The following SELENOI variants were observed in gnomAD, a reference collection of about 807,000 sequenced individuals.
The protein encoded by SELENOI is ethanolaminephosphotransferase 1.
Under a neutral mutation model 50.7 loss-of-function variants are expected in SELENOI, and 24 were observed. The ratio of observed to expected loss-of-function variants is 0.47; its 90% CI spans 0.34 to 0.67. The LOEUF (loss-of-function observed/expected upper bound fraction) is 0.67. SELENOI is among the 30% of genes least tolerant of loss of function. The pLI is 0.01. For missense variants in SELENOI, 352 were observed against 461.4 expected (o/e 0.76, Z 2.17); for synonymous variants, 155 against 170.2 (o/e 0.91, Z 0.70).
intron 7 of SELENOI, among the ~76,000 whole-genome samples, chr2:26,384,107 CCTT>C (rs750912909): frequency 6.6e-6 from 1 of 152,168 alleles, no homozygotes; most frequent in Non-Finnish European, 1.5e-5. Context: ...TTGCTCTTTC[CCTT>C]CTTAGTAATT....
chr2:26,367,182 T>C lies in SELENOI; in HGVS notation c.272T>C (p.Ile91Thr), dbSNP rs1424302516. 4 of 1,611,206 alleles carry C rather than the reference T, an allele frequency of 2.5e-6. No homozygotes were observed. The highest frequency in any genetic ancestry group is 3.4e-6 in the Non-Finnish European group (4 of 1,178,722). The change falls in exon 4 of 10, where the codon ATT becomes ACT. Residue 91 changes from isoleucine to threonine, a missense_variant. Transcript: ENST00000260585. Reference protein sequence around the residue: ...GHKHVPDWVWIVVGILNFVAY... With the variant: ...GHKHVPDWVWTVVGILNFVAY... ...AAGCACGTGCCTGACTGGGTTTGGA[T>C]TGTAGTGGGCATCCTCAACTTCGTA...
Position 26,353,287 on chromosome 2 carries a change from T to C in SELENOI, c.57+6998T>C, listed in dbSNP as rs955415266. ...TGGGACCACATGAAAGTGTGGCTTA[T>C]GGACTTGGAATTAAAACAAAGAAAA... On this transcript the variant is annotated intron_variant, in intron 1 of 9. Coordinates refer to ENST00000260585, the MANE Select transcript of SELENOI (RefSeq NM_033505.4). 1.6e-4 allele frequency among the ~76,000 whole-genome samples: 24 copies of C among 152,344 alleles called. No homozygotes were observed. In the East Asian group the frequency reaches 4.2e-3, roughly 27 times the overall value.
chr2:26,385,680 A>T (rs534393142), intron 8 of SELENOI, among the ~76,000 whole-genome samples: 1 of 152,234 alleles, frequency 6.6e-6, no homozygotes, highest in Non-Finnish European at 1.5e-5. Context: ...AAAGACTCTG[A>T]TAGTCCTGAA....
At chr2:26,371,132 G>C (rs1248230055) in intron 4 of SELENOI, among the ~76,000 whole-genome samples, 1 of 149,960 alleles carries the variant, frequency 6.7e-6, no homozygotes, top group East Asian at 2.0e-4. Context: ...CTCCCGGACG[G>C]GGCGGCTGGG....
chr2:26,362,508 C>G (rs1677199390), intron 1 of SELENOI, among the ~76,000 whole-genome samples: 1 of 151,542 alleles, frequency 6.6e-6, no homozygotes, highest in Non-Finnish European at 1.5e-5. Context: ...CGCCTGTAAT[C>G]CCAGCACTTT....
In SELENOI at chr2:26,389,128, G is replaced by A; in HGVS notation, c.*25G>A. 2 of 1,469,294 alleles carry A rather than the reference G, an allele frequency of 1.4e-6. No homozygotes were observed. Among genetic ancestry groups the A allele is most frequent in the Non-Finnish European group, 1.9e-6 (2 of 1,070,730 alleles). 91.0% of individuals were successfully genotyped at this position (1,469,294 alleles called of 1,614,324 possible). ...ATAATCTTTCTTTGGGCACAAAGAA[G>A]TACTGTAAATAAATGCTTGTAAATA... On this transcript the variant is annotated 3_prime_UTR_variant, in exon 10 of 10. Transcript: ENST00000260585.
chr2:26,381,198 C>CTTTTTTTTTTTTTTTTTTTT lies in SELENOI; in HGVS notation c.683-2089_683-2070dup, dbSNP rs57102834. ...TGGATTGTATCTCCTTCAGTTTGGT[C>CTTTTTTTTTTTTTTTTTTTT]TTTTTTTTTTTTTTTTTTTTTTTTT... On this transcript the variant is annotated intron_variant, in intron 6 of 9. Coordinates refer to ENST00000260585, the MANE Select transcript of SELENOI (RefSeq NM_033505.4). 2.6e-4 allele frequency among the ~76,000 whole-genome samples: 8 copies of CTTTTTTTTTTTTTTTTTTTT among 30,198 alleles called. 2 individuals carry two copies. The highest frequency in any genetic ancestry group is 1.1e-3 in the African/African-American group (6 of 5,532). The allele number at this position is 30,198 out of a possible 152,430, so 19.8% of individuals were successfully genotyped here. A position where few individuals can be genotyped will look rare whatever the true frequency, so the allele number is the denominator to read the frequency against.
chr2:26,354,406 T>C (rs1677021635), intron 1 of SELENOI, among the ~76,000 whole-genome samples: 1 of 152,102 alleles, frequency 6.6e-6, no homozygotes, highest in Non-Finnish European at 1.5e-5. Context: ...TTTTTGTTTT[T>C]TCGAGACTCT....
At chr2:26,383,747 G>T (rs1341898797) in intron 7 of SELENOI, among the ~76,000 whole-genome samples, 1 of 152,146 alleles carries the variant, frequency 6.6e-6, no homozygotes, top group Non-Finnish European at 1.5e-5. Flanking sequence ...GGTGGCACAT[G>T]CCTGTAATGC....
intron 9 of SELENOI, 28 bp downstream of exon 9, chr2:26,386,564 A>G: frequency 6.7e-7 from 1 of 1,499,726 alleles, no homozygotes; most frequent in Non-Finnish European, 8.9e-7. Flanking sequence ...AAATGGGTTC[A>G]ATTTGGGGCT....
At chr2:26,358,372 G>C (rs1373119753) in intron 1 of SELENOI, among the ~76,000 whole-genome samples, 2 of 152,174 alleles carry the variant, frequency 1.3e-5, no homozygotes, top group Non-Finnish European at 2.9e-5. Flanking sequence ...TGGTGACAGA[G>C]TGAGACTCCG....
At chr2:26,382,495 A>G (rs1418135149) in intron 6 of SELENOI, among the ~76,000 whole-genome samples, 1 of 152,240 alleles carries the variant, frequency 6.6e-6, no homozygotes, top group Admixed American at 6.5e-5. Flanking sequence ...TAATTTCTGC[A>G]AAGTTGGAAC....
intron 1 of SELENOI, among the ~76,000 whole-genome samples, chr2:26,347,431 G>C (rs1676817663): frequency 6.7e-6 from 1 of 149,506 alleles, no homozygotes; most frequent in African/African-American, 2.5e-5. Flanking sequence ...TGTTTAACTC[G>C]AGTTAAAAAA....
Position 26,381,198 on chromosome 2 carries a change from C to CTTTTTTTTTTTTTTTT in SELENOI, c.683-2085_683-2070dup, listed in dbSNP as rs57102834. Reference sequence around the variant, plus strand: ...TGGATTGTATCTCCTTCAGTTTGGTCTTTTTTTTTTTTTTTTTTTTTTTTT... The same window carrying CTTTTTTTTTTTTTTTT: ...TGGATTGTATCTCCTTCAGTTTGGTCTTTTTTTTTTTTTTTTTTTTTTTTTTTTTTTTTTTTTTTTT... On this transcript the variant is annotated intron_variant, in intron 6 of 9. Coordinates refer to ENST00000260585, the MANE Select transcript of SELENOI (RefSeq NM_033505.4). 5.6e-4 allele frequency among the ~76,000 whole-genome samples: 17 copies of CTTTTTTTTTTTTTTTT among 30,196 alleles called. 4 individuals are homozygous for CTTTTTTTTTTTTTTTT. Among genetic ancestry groups the CTTTTTTTTTTTTTTTT allele is most frequent in the East Asian group, 3.2e-3 (3 of 928 alleles). 19.8% of individuals were successfully genotyped at this position (30,196 alleles called of 152,430 possible).
intron 1 of SELENOI, among the ~76,000 whole-genome samples, chr2:26,353,422 GAA>G (rs1264918669): frequency 6.6e-6 from 1 of 152,124 alleles, no homozygotes; most frequent in Non-Finnish European, 1.5e-5. Context: ...TAGAACATGA[GAA>G]ATTCTTGATA....
At chr2:26,354,447 T>C (rs1677023059) in intron 1 of SELENOI, among the ~76,000 whole-genome samples, 2 of 152,144 alleles carry the variant, frequency 1.3e-5, no homozygotes, top group Non-Finnish European at 2.9e-5. Context: ...AGTGCAGTGG[T>C]GCGATCTCGG....
chr2:26,386,548 A>G lies in SELENOI; in HGVS notation c.1095+12A>G. On this transcript the variant is annotated intron_variant, in intron 9 of 9. Coordinates refer to ENST00000260585, the MANE Select transcript of SELENOI (RefSeq NM_033505.4). ...ATGGAGTACGAGTGGTGAGTAATCTACAGCAAAATGGGTTCAATTTGGGGC... is the reference window on the plus strand; with the variant it reads ...ATGGAGTACGAGTGGTGAGTAATCTGCAGCAAAATGGGTTCAATTTGGGGC... The G allele has an allele frequency of 6.4e-7, 1 of 1,555,354 alleles. No homozygotes were observed. Among genetic ancestry groups the G allele is most frequent in the Non-Finnish European group, 8.7e-7 (1 of 1,149,926 alleles).
chr2:26,391,037 C>T lies in SELENOI; in HGVS notation c.*1934C>T, dbSNP rs1677954272. The T allele has an allele frequency of 6.7e-6, 1 of 149,562 alleles. No individual in the cohort carries two copies. The highest frequency in any genetic ancestry group is 1.5e-5 in the Non-Finnish European group (1 of 67,646). The allele number at this position is 149,562 out of a possible 1,614,324, so 9.3% of individuals were successfully genotyped here. A position where few individuals can be genotyped will look rare whatever the true frequency, so the allele number is the denominator to read the frequency against. ...AAACTTGGACCACAGGCTTTCTTGA[C>T]CTTGTACAGTATAGTAAAAATACCC... On this transcript the variant is annotated 3_prime_UTR_variant, in exon 10 of 10. Transcript: ENST00000260585.
intron 1 of SELENOI, among the ~76,000 whole-genome samples, chr2:26,348,378 T>G (rs1185736752): frequency 6.6e-6 from 1 of 152,234 alleles, no homozygotes; most frequent in Non-Finnish European, 1.5e-5. Flanking sequence ...GAAAAATTAC[T>G]TTTGAAGTAG....
Sources: allele counts gnomAD v4.1 joint callset (sites outside exome capture counted in the v4.1 genomes callset), GRCh38; gene constraint gnomAD v4.1.1; transcripts MANE v1.5; gene names NCBI Gene and HGNC (gene_info 2026-07-23, HGNC 2026-07-21).